CFI: variants seen among roughly 807,000 people sequenced by gnomAD.
The protein encoded by CFI is C3B/C4B inactivator.
In CFI, 66 loss-of-function variants were observed where a neutral mutation model predicts 78.8. That is an observed-to-expected ratio of 0.84 (90% CI 0.69 to 1.03). The LOEUF is 1.03. Ranked by LOEUF, CFI falls within the 50% of genes least tolerant of loss-of-function variation. CFI has a pLI of 0.00. For missense variants in CFI, 706 were observed against 704.5 expected (o/e 1.00, Z -0.02); for synonymous variants, 250 against 232.6 (o/e 1.07, Z -0.68).
At chr4:109,798,529 C>A (rs1732358232) in intron 1 of CFI, among the ~76,000 whole-genome samples, 1 of 149,676 alleles carries the variant, frequency 6.7e-6, no homozygotes, top group African/African-American at 2.5e-5. Flanking sequence ...TTAAAAAGAC[C>A]ATTAAGTCTT....
intron 1 of CFI, among the ~76,000 whole-genome samples, chr4:109,781,922 C>T (rs535919167): frequency 5.9e-5 from 9 of 152,194 alleles, no homozygotes; most frequent in Non-Finnish European, 1.2e-4. Flanking sequence ...ATGATCACCT[C>T]AGTAGATGCA....
At chr4:109,735,245 G>A in the CFI span, among the ~76,000 whole-genome samples, 14 of 151,146 alleles carry the variant, frequency 9.3e-5, no homozygotes, top group East Asian at 1.4e-3. Flanking sequence ...ATGAGCCACC[G>A]CACCCAGCCC....
rs774830806 is a variant in CFI, at chr4:109,746,327, T to C, written c.1324A>G (p.Lys442Glu). The C allele has an allele frequency of 1.9e-6, 3 of 1,614,096 alleles. No homozygotes were observed. The African/African-American group carries it at 4.0e-5, about 22-fold the overall frequency. ...LIEMKKDGNK[K>E]DCELPRSIPA... ...ATGGAACGAGGCAGCTCACAATCTT[T>C]TTTGTTTCCGTCTTTTTTCATTTCA... Residue 442 changes from lysine (K) to glutamate (E), a missense_variant, in exon 11 of 13, where the codon AAA (lysine) becomes GAA (glutamate). Coordinates refer to ENST00000394634, the MANE Select transcript of CFI (RefSeq NM_000204.5).
At chr4:109,777,457 T>C (rs555614886) in intron 1 of CFI, among the ~76,000 whole-genome samples, 6 of 152,076 alleles carry the variant, frequency 3.9e-5, no homozygotes, top group Non-Finnish European at 7.3e-5. Context: ...ATGTACCCAA[T>C]ACAGGAACAC....
At chr4:109,752,372 T>C in intron 8 of CFI, 96 bp downstream of exon 8, 1 of 1,062,686 alleles carries the variant, frequency 9.4e-7, no homozygotes, top group Non-Finnish European at 1.4e-6. Context: ...ATACCAAAAC[T>C]ACTTGTTGCT....
At chr4:109,787,321 T>C (rs890547841) in intron 1 of CFI, among the ~76,000 whole-genome samples, 7 of 152,106 alleles carry the variant, frequency 4.6e-5, no homozygotes, top group East Asian at 1.9e-4. Flanking sequence ...AACCTTTCCA[T>C]TGAAAGAGTT....
chr4:109,733,695 A>G, the CFI span, among the ~76,000 whole-genome samples: 1 of 152,262 alleles, frequency 6.6e-6, no homozygotes, highest in Non-Finnish European at 1.5e-5. Flanking sequence ...CCTAAGCCAC[A>G]GGATAGAGAG....
chr4:109,735,212 C>A, the CFI span, among the ~76,000 whole-genome samples: 2 of 152,146 alleles, frequency 1.3e-5, no homozygotes, highest in Non-Finnish European at 2.9e-5. Flanking sequence ...GCTTTGGCCT[C>A]CCAAAGTGCT....
At chr4:109,760,763 T>C in intron 4 of CFI, 127 bp from the exon 5 acceptor site, 1 of 701,032 alleles carries the variant, frequency 1.4e-6, no homozygotes, top group Non-Finnish European at 2.6e-6. Context: ...TAAAACGTAT[T>C]GGTATTATCA....
chr4:109,799,188 C>T (rs1056342358), intron 1 of CFI, among the ~76,000 whole-genome samples: 8 of 152,132 alleles, frequency 5.3e-5, no homozygotes, highest in Admixed American at 5.2e-4. Context: ...CTTAGTTTTT[C>T]CCCATGCTTT....
intron 6 of CFI, among the ~76,000 whole-genome samples, chr4:109,759,116 C>A (rs1213023977): frequency 6.6e-6 from 1 of 151,976 alleles, no homozygotes; most frequent in Non-Finnish European, 1.5e-5. Context: ...AAAAAGAATT[C>A]TTGCCTAAAA....
intron 1 of CFI, among the ~76,000 whole-genome samples, chr4:109,791,831 C>T (rs1476420774): frequency 6.6e-6 from 1 of 152,080 alleles, no homozygotes; most frequent in Non-Finnish European, 1.5e-5. Flanking sequence ...TTGATAACTG[C>T]TTTCGCTGCA....
intron 7 of CFI, among the ~76,000 whole-genome samples, chr4:109,753,834 T>G (rs1206653286): frequency 9.6e-5 from 5 of 52,014 alleles, no homozygotes; most frequent in African/African-American, 3.9e-4. Context: ...ATATATTATA[T>G]AATGTATAAT....
intron 1 of CFI, among the ~76,000 whole-genome samples, chr4:109,772,640 A>G (rs1265159366): frequency 1.3e-5 from 2 of 151,264 alleles, no homozygotes; most frequent in East Asian, 3.9e-4. Flanking sequence ...GTGCAGTGGT[A>G]TGATCACAGC....
At chr4:109,799,231 T>C (rs1339052129) in intron 1 of CFI, among the ~76,000 whole-genome samples, 1 of 152,174 alleles carries the variant, frequency 6.6e-6, no homozygotes, top group Non-Finnish European at 1.5e-5. Context: ...CTGTAATCCT[T>C]TGCCCCAGAC....
downstream of CFI, among the ~76,000 whole-genome samples, chr4:109,739,946 G>T (rs1208313949): frequency 6.6e-6 from 1 of 152,150 alleles, no homozygotes; most frequent in Non-Finnish European, 1.5e-5. Context: ...GAGGGTCAAG[G>T]AATGCTTGTG....
At chr4:109,782,974 C>T (rs1200963416) in intron 1 of CFI, among the ~76,000 whole-genome samples, 1 of 152,056 alleles carries the variant, frequency 6.6e-6, no homozygotes, top group East Asian at 1.9e-4. Context: ...TGGCTAGCCA[C>T]ATGTAGGAGA....
At position 109,741,084 on chromosome 4, in the gene CFI, A is replaced by G. The variant is rs1723735862; in HGVS notation, c.1561T>C (p.Cys521Arg). The change falls in exon 13 of 13, where the codon TGT becomes CGT. Residue 521 changes from cysteine to arginine, a missense_variant. By Grantham distance (180) the Cys-to-Arg change is radical. Coordinates refer to ENST00000394634, the MANE Select transcript of CFI (RefSeq NM_000204.5). ...AGTYDGSIDA[C>R]KGDSGGPLVC... is the part of the protein sequence containing the mutation. ...AAGGGGCCTCCAGAGTCCCCTTTAC[A>G]GGCATCGATGGAACCATCATATGTA... is the stretch of plus-strand genomic sequence containing the variant. The G allele has an allele frequency of 6.2e-7, 1 of 1,614,198 alleles. No individual in the cohort carries two copies. Among genetic ancestry groups the G allele is most frequent in the Non-Finnish European group, 8.5e-7 (1 of 1,179,998 alleles).
chr4:109,787,606 T>C (rs534396715), intron 1 of CFI, among the ~76,000 whole-genome samples: 2 of 152,170 alleles, frequency 1.3e-5, no homozygotes, highest in Non-Finnish European at 2.9e-5. Context: ...GTTTTTTTTT[T>C]AATTTTAAAA....
Sources: allele counts gnomAD v4.1 joint callset (sites outside exome capture counted in the v4.1 genomes callset), GRCh38; gene constraint gnomAD v4.1.1; transcripts MANE v1.5; gene names NCBI Gene and HGNC (gene_info 2026-07-23, HGNC 2026-07-21).